PLEKHA7: variants seen among roughly 807,000 people sequenced by gnomAD.
PLEKHA7 encodes the protein pleckstrin homology domain-containing family A member 7.
PLEKHA7 carries 104 observed loss-of-function variants against 170.0 expected under a neutral mutation model. The ratio of observed to expected loss-of-function variants is 0.61; its 90% confidence interval spans 0.52 to 0.72. PLEKHA7 has a LOEUF of 0.72. PLEKHA7 is among the 30% of genes least tolerant of loss of function. The pLI is 0.00. For missense variants in PLEKHA7, 1,615 were observed against 1,671.7 expected, an observed-to-expected ratio of 0.97 and a Z score of 0.59; for synonymous variants, 648 against 660.8, an observed-to-expected ratio of 0.98 and a Z score of 0.30.
chr11:16,799,549 T>A (rs1299242026), intron 17 of PLEKHA7, among the ~76,000 whole-genome samples: 2 of 152,054 alleles, frequency 1.3e-5, no homozygotes, highest in South Asian at 2.1e-4. Context: ...CTTAAAAAAA[T>A]TACTGCTAAA....
chr11:16,848,302 T>C (rs751453431), intron 8 of PLEKHA7, among the ~76,000 whole-genome samples: 13 of 152,224 alleles, frequency 8.5e-5, no homozygotes, highest in Non-Finnish European at 1.0e-4. Flanking sequence ...TACTACCCCA[T>C]AGACAATCAG....
intron 11 of PLEKHA7, among the ~76,000 whole-genome samples, chr11:16,816,551 T>C (rs543232989): frequency 5.3e-5 from 8 of 152,282 alleles, no homozygotes; most frequent in Admixed American, 4.6e-4. Flanking sequence ...GCAAGTTACT[T>C]TGTCTCTCAG....
chr11:16,987,054 T>G (rs563790062), intron 3 of PLEKHA7, among the ~76,000 whole-genome samples: 1 of 152,154 alleles, frequency 6.6e-6, no homozygotes, highest in Non-Finnish European at 1.5e-5. Context: ...ATCCATCAAA[T>G]TAATTGCCCC....
intron 4 of PLEKHA7, among the ~76,000 whole-genome samples, chr11:16,859,203 T>C (rs1853729080): frequency 6.6e-6 from 1 of 152,240 alleles, no homozygotes; most frequent in Non-Finnish European, 1.5e-5. Flanking sequence ...GTCCCTGACC[T>C]GGCTCTTTGA....
chr11:16,960,456 C>G (rs563844566), intron 3 of PLEKHA7, among the ~76,000 whole-genome samples: 1 of 152,246 alleles, frequency 6.6e-6, no homozygotes, highest in South Asian at 2.1e-4. Context: ...AAGAAGGAGA[C>G]ATACACACCC....
At chr11:16,877,550 G>C in intron 3 of PLEKHA7, among the ~76,000 whole-genome samples, 1 of 152,168 alleles carries the variant, frequency 6.6e-6, no homozygotes, top group Non-Finnish European at 1.5e-5. Context: ...TTTCTAAGGG[G>C]ATTGAGAATC....
intron 26 of PLEKHA7, chr11:16,780,862 C>G: frequency 2.2e-6 from 1 of 457,910 alleles, no homozygotes; most frequent in Non-Finnish European, 2.9e-6. Flanking sequence ...GCAATCACCT[C>G]AGCACAGCAG....
chr11:16,927,998 G>T (rs1431105649), intron 3 of PLEKHA7, among the ~76,000 whole-genome samples: 1 of 151,914 alleles, frequency 6.6e-6, no homozygotes, highest in African/African-American at 2.4e-5. Context: ...GGGAAGGGGG[G>T]GTCTGTTGGG....
chr11:16,999,976 G>C (rs1446813084), intron 3 of PLEKHA7, among the ~76,000 whole-genome samples: 1 of 152,174 alleles, frequency 6.6e-6, no homozygotes. Flanking sequence ...AAAAGAACCA[G>C]ATGCAAACCC....
chr11:16,787,917 G>A (rs904947625), intron 23 of PLEKHA7: 2 of 152,200 alleles, frequency 1.3e-5, no homozygotes, highest in Non-Finnish European at 2.9e-5. Flanking sequence ...CTGCAGAGAG[G>A]CCCTCTGAAT....
At chr11:16,983,155 A>C (rs1455452015) in intron 3 of PLEKHA7, among the ~76,000 whole-genome samples, 5 of 152,024 alleles carry the variant, frequency 3.3e-5, no homozygotes, top group African/African-American at 9.7e-5. Context: ...TAACTGACTC[A>C]CTCTTATTTC....
chr11:16,817,482 C>A lies in PLEKHA7; in HGVS notation c.1344-160G>T. The A allele has an allele frequency of 1.5e-6, 1 of 677,064 alleles. No homozygotes were observed. Among genetic ancestry groups the A allele is most frequent in the Non-Finnish European group, 2.3e-6 (1 of 438,520 alleles). 41.9% of individuals were successfully genotyped at this position (677,064 alleles called of 1,614,324 possible). A position where few individuals can be genotyped will look rare whatever the true frequency, so the allele number is the denominator to read the frequency against. On this transcript the variant is annotated intron_variant, in intron 10 of 26. Coordinates refer to ENST00000531066, the MANE Select transcript of PLEKHA7 (RefSeq NM_001329630.2). The surrounding 1 kb of genome is among the most constrained non-coding windows in gnomAD (Gnocchi z 4.4). ...CGACATCCAGGACTTCAGTCACTTC[C>A]CCTTTTGGCAGACGACTCCAAAACC... is the stretch of plus-strand genomic sequence containing the variant.
intron 6 of PLEKHA7, among the ~76,000 whole-genome samples, chr11:16,854,591 G>A (rs1590349122): frequency 6.6e-6 from 1 of 152,348 alleles, no homozygotes; most frequent in African/African-American, 2.4e-5. Flanking sequence ...GAACTGGTAG[G>A]AAGGCTGGAT....
chr11:16,969,521 T>A (rs1181773240), intron 3 of PLEKHA7, among the ~76,000 whole-genome samples: 1 of 152,134 alleles, frequency 6.6e-6, no homozygotes, highest in East Asian at 1.9e-4. Flanking sequence ...ATTCTACATA[T>A]TGCAATATGA....
chr11:16,821,349 T>C (rs1415438728), intron 10 of PLEKHA7, among the ~76,000 whole-genome samples: 2 of 152,228 alleles, frequency 1.3e-5, no homozygotes, highest in African/African-American at 2.4e-5. Context: ...CTTTAAACAC[T>C]GGGAGGTCAG....
In PLEKHA7 at chr11:16,782,854, A is replaced by T. The variant is rs1233768215; in HGVS notation, c.3693T>A (p.Ser1231Arg). 6.5e-7 allele frequency: 1 copy of T among 1,536,086 alleles called. No homozygotes were observed. The highest frequency in any genetic ancestry group is 8.7e-7 in the Non-Finnish European group (1 of 1,146,886). Residue 1231 changes from serine (S) to arginine (R), a missense_variant, in exon 26 of 27, where the codon AGT becomes AGA. Transcript: ENST00000531066. Reference sequence around the variant, plus strand: ...GCAGCTGCAAGTCCAGGTCAGCCACACTGTTCTGGTCCTGGCCTGAGGTCG... The same window carrying T: ...GCAGCTGCAAGTCCAGGTCAGCCACTCTGTTCTGGTCCTGGCCTGAGGTCG... ...LQPTSGQDQNSVADLDLQLQE... is the reference protein window; with the variant it reads ...LQPTSGQDQNRVADLDLQLQE...
intron 3 of PLEKHA7, among the ~76,000 whole-genome samples, chr11:16,927,580 CA>C (rs893739830): frequency 4.6e-5 from 7 of 151,876 alleles, no homozygotes; most frequent in African/African-American, 1.5e-4. Context: ...TCCAAAAAAA[CA>C]AAAAAGGCAT....
At chr11:16,924,368 T>C (rs1859328318) in intron 3 of PLEKHA7, among the ~76,000 whole-genome samples, 1 of 152,208 alleles carries the variant, frequency 6.6e-6, no homozygotes, top group Non-Finnish European at 1.5e-5. Context: ...CCGAGGGCAC[T>C]GGCGGAGCAC....
chr11:16,820,580 C>T (rs1389263196), intron 10 of PLEKHA7, among the ~76,000 whole-genome samples: 2 of 152,316 alleles, frequency 1.3e-5, no homozygotes, highest in Middle Eastern at 3.4e-3. Context: ...AGGCTGGAGG[C>T]TTCCCCTGGG....
Sources: gnomAD v4.1 joint callset for allele counts (sites outside exome capture counted in the v4.1 genomes callset) on GRCh38, gnomAD v4.1.1 for gene constraint, Gnocchi (gnomAD v3.1) non-coding constraint, MANE v1.5 for transcripts, NCBI Gene and HGNC (gene_info 2026-07-23, HGNC 2026-07-21) for gene names.